The following COL5A1 variants were observed in gnomAD, a reference collection of about 807,000 sequenced individuals.
COL5A1 encodes collagen alpha-1(V) chain.
COL5A1 carries 16 observed loss-of-function variants against 263.7 expected under a neutral mutation model. The observed-to-expected ratio is 0.06, with a 90% CI of 0.04 to 0.09. The LOEUF (loss-of-function observed/expected upper bound fraction) is 0.09. COL5A1 is among the 10% of genes least tolerant of loss of function. COL5A1 has a pLI of 1.00. For missense variants in COL5A1, 2,036 were observed against 2,540.5 expected (o/e 0.80, Z 4.27); for synonymous variants, 1,012 against 1,004.5 (o/e 1.01, Z -0.14).
intron 63 of COL5A1, among the ~76,000 whole-genome samples, 173 bp downstream of exon 63, chr9:134,826,077 A>AT (rs1343218097): frequency 6.6e-6 from 1 of 152,236 alleles, no homozygotes; most frequent in Non-Finnish European, 1.5e-5. Context: ...GTTTTAAGAA[A>AT]TTTTTTAGTA....
At chr9:134,697,645 C>A (rs1285166528) in intron 2 of COL5A1, among the ~76,000 whole-genome samples, 1 of 152,112 alleles carries the variant, frequency 6.6e-6, no homozygotes, top group Non-Finnish European at 1.5e-5. Context: ...CTCAGTGCCC[C>A]ATGCACTCCC....
At chr9:134,770,727 G>A (rs913426633) in intron 25 of COL5A1, among the ~76,000 whole-genome samples, 2 of 152,264 alleles carry the variant, frequency 1.3e-5, no homozygotes, top group East Asian at 1.9e-4. Flanking sequence ...TACAAATAAT[G>A]TAAGCTTTAT....
intron 9 of COL5A1, among the ~76,000 whole-genome samples, chr9:134,737,223 C>T (rs537252115): frequency 2.6e-5 from 4 of 152,346 alleles, no homozygotes; most frequent in Non-Finnish European, 4.4e-5. Flanking sequence ...GCGCCATGGC[C>T]GCAGTTCCTG....
chr9:134,804,502 T>C (rs2132825605), intron 39 of COL5A1, among the ~76,000 whole-genome samples: 1 of 152,298 alleles, frequency 6.6e-6, no homozygotes, highest in South Asian at 2.1e-4. Context: ...GAGCCCCAAA[T>C]CTATGGAAAA....
chr9:134,708,473 G>C, intron 4 of COL5A1: 1 of 451,362 alleles, frequency 2.2e-6, no homozygotes. Flanking sequence ...CACCCTTCTA[G>C]GTCCTCGGTC....
At position 134,727,372 on chromosome 9, in the gene COL5A1, C is replaced by T. The variant is rs144844792; in HGVS notation, c.761C>T (p.Ser254Leu). ...CDTAVPDTPQ[S>L]QDPNPDEYYT... ...ACCGCAGTACCTGACACCCCACAGTCGCAGGACCCCAATCCAGATGAATAT... is the reference window on the plus strand; with the variant it reads ...ACCGCAGTACCTGACACCCCACAGTTGCAGGACCCCAATCCAGATGAATAT... The change falls in exon 5 of 66, where the codon TCG (serine) becomes TTG (leucine). Residue 254 changes from serine to leucine, a missense_variant. Ser to Leu is a moderately radical substitution (Grantham distance 145, BLOSUM62 -2). Transcript: ENST00000371817. 4.5e-4 allele frequency: 731 copies of T among 1,614,126 alleles called. 8 individuals carry two copies. The South Asian group carries it at 6.3e-3, about 14-fold the overall frequency.
intron 42 of COL5A1, among the ~76,000 whole-genome samples, chr9:134,807,441 G>C (rs553284955): frequency 9.5e-4 from 144 of 152,162 alleles, no homozygotes; most frequent in Non-Finnish European, 1.6e-3. Flanking sequence ...TTACAGATGT[G>C]TGCTACCACA....
chr9:134,795,412 T>G, intron 34 of COL5A1, 97 bp downstream of exon 34: 1 of 785,956 alleles, frequency 1.3e-6, no homozygotes, highest in East Asian at 2.8e-5. Flanking sequence ...CCTTTTTTAT[T>G]AAAAAAAAAA....
chr9:134,791,518 G>A lies in COL5A1; in HGVS notation c.2700+2310G>A, dbSNP rs1287845457. Reference sequence around the variant, plus strand: ...GTTGATGCTTTGTACCAAGTTCGGGGAATGACGGAGAGTGTGGGTGCCCTC... The same window carrying A: ...GTTGATGCTTTGTACCAAGTTCGGGAAATGACGGAGAGTGTGGGTGCCCTC... On this transcript the variant is annotated intron_variant, in intron 32 of 65. Coordinates refer to ENST00000371817, the MANE Select transcript of COL5A1 (RefSeq NM_000093.5). Among the ~76,000 whole-genome samples the A allele has an allele frequency of 2.6e-5, 4 of 151,860 alleles. No individual in the cohort carries two copies. In the East Asian group the frequency reaches 5.8e-4, roughly 22 times the overall value.
chr9:134,650,458 C>A (rs922513491), intron 1 of COL5A1, among the ~76,000 whole-genome samples: 1 of 152,246 alleles, frequency 6.6e-6, no homozygotes, highest in Non-Finnish European at 1.5e-5. Context: ...GGACCCCTAA[C>A]ATGAGACGGA....
chr9:134,674,580 C>A (rs1832635853), intron 1 of COL5A1, among the ~76,000 whole-genome samples: 1 of 152,106 alleles, frequency 6.6e-6, no homozygotes, highest in Non-Finnish European at 1.5e-5. Context: ...ACTCATTCAA[C>A]TGCACACTTA....
chr9:134,747,115 G>A lies in COL5A1; in HGVS notation c.1495-3427G>A, dbSNP rs543022151. 3.9e-5 allele frequency among the ~76,000 whole-genome samples: 6 copies of A among 152,214 alleles called. No homozygotes were observed. In the East Asian group the frequency reaches 1.2e-3, roughly 29 times the overall value. On this transcript the variant is annotated intron_variant, in intron 11 of 65. Coordinates refer to ENST00000371817, the MANE Select transcript of COL5A1 (RefSeq NM_000093.5). ...GACTTGTGTCAAATTTGAACACTTCGGAAGGGTTCATGGGGGTGGCGACAT... is the reference window on the plus strand; with the variant it reads ...GACTTGTGTCAAATTTGAACACTTCAGAAGGGTTCATGGGGGTGGCGACAT...
At position 134,805,037 on chromosome 9, in the gene COL5A1, T is replaced by A; in HGVS notation, c.3177T>A (p.Pro1059=). ...GCCCTCCAGGATTACGTGGTTTCCC[T>A]GGGGACCGAGGGCTTCCTGGTCCAG... The part of the protein sequence containing the change: ...KDGPPGLRGF[P]GDRGLPGPVG... Residue 1059 remains proline (P), a synonymous_variant, in exon 40 of 66, where the codon CCT becomes CCA. Transcript: ENST00000371817. 3 of 1,613,922 alleles carry A rather than the reference T, an allele frequency of 1.9e-6. No individual in the cohort carries two copies. The highest frequency in any genetic ancestry group is 2.5e-6 in the Non-Finnish European group (3 of 1,180,000).
At chr9:134,824,477 AGCCCAGGTT>A in intron 61 of COL5A1, 114 bp from the exon 62 acceptor site, 1 of 1,213,736 alleles carries the variant, frequency 8.2e-7, no homozygotes, top group South Asian at 1.4e-5. Flanking sequence ...ATGTCCATGT[AGCCCAGGTT>A]GCCAGGCCCC....
At chr9:134,728,546 G>T in intron 5 of COL5A1, 124 bp from the exon 6 acceptor site, 3 of 1,401,448 alleles carry the variant, frequency 2.1e-6, no homozygotes, top group Non-Finnish European at 3.0e-6. Context: ...CCACAGGGAG[G>T]TTCACGCCTG....
At chr9:134,707,519 C>A (rs909708037) in intron 4 of COL5A1, among the ~76,000 whole-genome samples, 4 of 148,554 alleles carry the variant, frequency 2.7e-5, no homozygotes, top group Non-Finnish European at 4.5e-5. Context: ...TCTCAGCCAT[C>A]CACGGAGGCA....
intron 1 of COL5A1, chr9:134,649,329 T>C (rs1215971195): frequency 2.7e-6 from 1 of 372,282 alleles, no homozygotes; most frequent in South Asian, 2.2e-5. Context: ...ATATTAGCAG[T>C]AAATGTCACC....
intron 4 of COL5A1, among the ~76,000 whole-genome samples, chr9:134,726,897 A>AGATGGATG (rs1414647755): frequency 2.1e-5 from 3 of 145,906 alleles, no homozygotes; most frequent in Admixed American, 6.8e-5. Flanking sequence ...ATGGATGGAT[A>AGATGGATG]GATGGATGGA....
rs143049517 is a variant in COL5A1 at position 134,797,891 on chromosome 9, C to A, written c.2899-517C>A. Among the ~76,000 whole-genome samples the A allele has an allele frequency of 5.3e-5, 8 of 152,332 alleles. No homozygotes were observed. In the East Asian group the frequency reaches 1.5e-3, roughly 29 times the overall value. On this transcript the variant is annotated intron_variant, in intron 36 of 65. Transcript: ENST00000371817. Reference sequence around the variant, plus strand: ...GTTACACTGGCAAAAACCCCATTTCCAAGTGAGGTCACAGGCACAGGTTCT... The same window carrying A: ...GTTACACTGGCAAAAACCCCATTTCAAAGTGAGGTCACAGGCACAGGTTCT...
Sources: gnomAD v4.1 joint callset for allele counts (sites outside exome capture counted in the v4.1 genomes callset) on GRCh38, gnomAD v4.1.1 for gene constraint, MANE v1.5 for transcripts, NCBI Gene and HGNC (gene_info 2026-07-23, HGNC 2026-07-21) for gene names.